The following NARF variants were observed in gnomAD, a reference collection of about 807,000 sequenced individuals.
NARF encodes iron-only hydrogenase-like protein 2.
Under a neutral mutation model 48.0 loss-of-function variants are expected in NARF, and 41 were observed. The ratio of observed to expected loss-of-function variants is 0.85; its 90% CI spans 0.66 to 1.11. The LOEUF is 1.11. Ranked by LOEUF, NARF falls within the 50% of genes least tolerant of loss-of-function variation. The probability of loss-of-function intolerance (pLI) is 0.00; values close to 1 mark genes in which losing one functional copy is unlikely to be tolerated. For missense variants in NARF, 613 were observed against 590.2 expected, an observed-to-expected ratio of 1.04 and a Z score of -0.40; for synonymous variants, 215 against 225.5, an observed-to-expected ratio of 0.95 and a Z score of 0.42.
intron 7 of NARF, chr17:82,481,671 A>C: frequency 2.6e-6 from 1 of 382,866 alleles, no homozygotes; most frequent in Admixed American, 3.6e-5. Context: ...CAGAGGTTGC[A>C]GTAAGCCGAG....
chr17:82,490,179 A>G lies in NARF; in HGVS notation c.*2022A>G, dbSNP rs1230386199. ...GCAGTTTAACCACAAACAGTGAAACAGAGCTGGCAGACGCCTGAAACTCCA... is the reference window on the plus strand; with the variant it reads ...GCAGTTTAACCACAAACAGTGAAACGGAGCTGGCAGACGCCTGAAACTCCA... On this transcript the variant is annotated 3_prime_UTR_variant, in exon 11 of 11. Coordinates refer to ENST00000309794, the MANE Select transcript of NARF (RefSeq NM_012336.4). 3.9e-5 allele frequency: 6 copies of G among 152,206 alleles called. No homozygotes were observed. Among genetic ancestry groups the G allele is most frequent in the Non-Finnish European group, 7.3e-5 (5 of 68,078 alleles). The allele number at this position is 152,206 out of a possible 1,614,324, so 9.4% of individuals were successfully genotyped here.
intron 4 of NARF, among the ~76,000 whole-genome samples, chr17:82,470,592 TCA>T (rs1239325729): frequency 6.6e-6 from 1 of 152,092 alleles, no homozygotes; most frequent in African/African-American, 2.4e-5. Flanking sequence ...CCTCCCGGGT[TCA>T]CACCATTCTC....
At chr17:82,461,707 G>A (rs2043443937) in intron 2 of NARF, among the ~76,000 whole-genome samples, 1 of 152,230 alleles carries the variant, frequency 6.6e-6, no homozygotes, top group African/African-American at 2.4e-5. Flanking sequence ...CTGAGTGAAG[G>A]GTGTTGGGAG....
rs2043511526 is a variant in NARF, at chr17:82,464,399, A to G, written c.221A>G (p.Lys74Arg). The G allele has an allele frequency of 6.2e-7, 1 of 1,613,982 alleles. No individual in the cohort carries two copies. Among genetic ancestry groups the G allele is most frequent in the Non-Finnish European group, 8.5e-7 (1 of 1,179,906 alleles). The change falls in exon 3 of 11, where the codon AAG (lysine) becomes AGG (arginine). Residue 74 changes from lysine (K) to arginine (R), a missense_variant. Lys to Arg is a conservative substitution (Grantham distance 26). Coordinates refer to ENST00000309794, the MANE Select transcript of NARF (RefSeq NM_012336.4). ...EGVQLSQQNA[K>R]DFFRVLNLNK... ...GTCCAACTTTCCCAGCAAAATGCCA[A>G]GGACTTCTTCCGCGTTCTGAACCTT...
At chr17:82,481,645 G>A (rs542323475) in intron 7 of NARF, among the ~76,000 whole-genome samples, 2 of 151,834 alleles carry the variant, frequency 1.3e-5, no homozygotes, top group South Asian at 2.1e-4. Flanking sequence ...CAGGAGAATC[G>A]CTTGAACCCG....
intron 5 of NARF, chr17:82,477,502 A>T (rs1448416758): frequency 6.8e-6 from 1 of 147,036 alleles, no homozygotes; most frequent in African/African-American, 2.6e-5. Context: ...AGACTGTCTC[A>T]AAAAAAAAAC....
intron 6 of NARF, chr17:82,480,265 C>T: frequency 2.5e-6 from 1 of 394,528 alleles, no homozygotes. Flanking sequence ...TCAGGAAAGT[C>T]TGTGGGTGAA....
At position 82,485,604 on chromosome 17, in the gene NARF, A is replaced by G; in HGVS notation, c.1079A>G (p.Lys360Arg). ...ATCCAGAACATGATCCTGAAGCTTA[A>G]GAAGGGCAAGTTCCCATTCCACTTT... ...RNIQNMILKL[K>R]KGKFPFHFVE... The change falls in exon 10 of 11, where the codon AAG (lysine) becomes AGG (arginine). Residue 360 changes from lysine to arginine, a missense_variant. By Grantham distance (26) the Lys-to-Arg change is conservative. Coordinates refer to ENST00000309794, the MANE Select transcript of NARF (RefSeq NM_012336.4). The G allele has an allele frequency of 6.2e-7, 1 of 1,614,216 alleles. No homozygotes were observed.
At chr17:82,459,794 G>A (rs1353583111) in intron 1 of NARF, among the ~76,000 whole-genome samples, 198 bp from the exon 2 acceptor site, 1 of 152,118 alleles carries the variant, frequency 6.6e-6, no homozygotes, top group Non-Finnish European at 1.5e-5. Flanking sequence ...GCTTGAACCC[G>A]GGAGGTGGAG....
chr17:82,468,588 C>G (rs1360532410), intron 3 of NARF, 176 bp from the exon 4 acceptor site: 1 of 636,732 alleles, frequency 1.6e-6, no homozygotes, highest in African/African-American at 1.9e-5. Context: ...CCAAACCTCA[C>G]CATAATCCTG....
intron 6 of NARF, 113 bp from the exon 7 acceptor site, chr17:82,480,969 T>G: frequency 1.6e-6 from 2 of 1,277,084 alleles, no homozygotes; most frequent in Non-Finnish European, 2.2e-6. Flanking sequence ...ATGCAGTGTC[T>G]GGAGGGCAGC....
rs750138154 is a variant in NARF at position 82,464,347 on chromosome 17, G to C, written c.169G>C (p.Asp57His). 4 of 1,614,114 alleles carry C rather than the reference G, an allele frequency of 2.5e-6. No homozygotes were observed. Among genetic ancestry groups the C allele is most frequent in the Non-Finnish European group, 3.4e-6 (4 of 1,179,984 alleles). Residue 57 changes from aspartate to histidine, a missense_variant, in exon 3 of 11, where the codon GAC becomes CAC. Asp to His is a moderately conservative substitution (Grantham distance 81, BLOSUM62 -1). Coordinates refer to ENST00000309794, the MANE Select transcript of NARF (RefSeq NM_012336.4). ...ATTTTTGAGCGACTGCCTGGCATGTGACAGCTGTATGACTGCAGAGGAAGG... is the reference window on the plus strand; with the variant it reads ...ATTTTTGAGCGACTGCCTGGCATGTCACAGCTGTATGACTGCAGAGGAAGG... ...KIFLSDCLAC[D>H]SCMTAEEGVQ...
intron 6 of NARF, chr17:82,480,316 C>A (rs2043932974): frequency 1.0e-5 from 4 of 400,850 alleles, no homozygotes. Flanking sequence ...CACACACTCA[C>A]TCAGGCCTCC....
intron 5 of NARF, among the ~76,000 whole-genome samples, chr17:82,475,637 A>C (rs1249994259): frequency 6.6e-6 from 1 of 152,168 alleles, no homozygotes; most frequent in Non-Finnish European, 1.5e-5. Context: ...CTCAAGCTAA[A>C]ATAGGAAGCA....
chr17:82,470,703 C>T (rs997332912), intron 4 of NARF, among the ~76,000 whole-genome samples: 3 of 151,872 alleles, frequency 2.0e-5, no homozygotes, highest in African/African-American at 7.3e-5. Flanking sequence ...ACCATGTTAG[C>T]CAGGATGGTC....
intron 4 of NARF, among the ~76,000 whole-genome samples, chr17:82,471,072 A>G (rs1216696337): frequency 6.6e-6 from 1 of 151,916 alleles, no homozygotes; most frequent in Admixed American, 6.6e-5. Flanking sequence ...CTGAGGCACA[A>G]GAATCGCTCA....
At chr17:82,459,917 T>C in intron 1 of NARF, 75 bp from the exon 2 acceptor site, 4 of 1,058,778 alleles carry the variant, frequency 3.8e-6, no homozygotes, top group Non-Finnish European at 5.7e-6. Context: ...ATGAGCTTCA[T>C]TGGTCAGAAT....
chr17:82,481,026 C>A lies in NARF; in HGVS notation c.640-56C>A, dbSNP rs185705905. ...CATCCCTCTTGTTCTGGGCACCAAGCGTAAGCTGCCGTCACCTCTTCACCA... is the reference window on the plus strand; with the variant it reads ...CATCCCTCTTGTTCTGGGCACCAAGAGTAAGCTGCCGTCACCTCTTCACCA... On this transcript the variant is annotated intron_variant, in intron 6 of 10. Transcript: ENST00000309794. The A allele has an allele frequency of 6.2e-6, 10 of 1,609,948 alleles. No homozygotes were observed. The African/African-American group carries it at 1.3e-4, about 22-fold the overall frequency.
At chr17:82,474,078 C>T (rs899452663) in intron 5 of NARF, among the ~76,000 whole-genome samples, 4 of 151,996 alleles carry the variant, frequency 2.6e-5, no homozygotes, top group Non-Finnish European at 2.9e-5. Context: ...ACAGCTACTA[C>T]GAATCCTAGC....
Sources: allele counts gnomAD v4.1 joint callset (sites outside exome capture counted in the v4.1 genomes callset), GRCh38; gene constraint gnomAD v4.1.1; transcripts MANE v1.5; gene names NCBI Gene and HGNC (gene_info 2026-07-23, HGNC 2026-07-21).